The following SCHIP1 variants were observed in gnomAD, a reference collection of about 807,000 sequenced individuals.
SCHIP1 encodes the protein schwannomin-interacting protein 1.
SCHIP1 carries 8 observed loss-of-function variants against 29.7 expected under a neutral mutation model. The ratio of observed to expected loss-of-function variants is 0.27; its 90% confidence interval spans 0.16 to 0.49. The LOEUF is 0.49. Among genes scored for constraint, SCHIP1 ranks in the 20% least tolerant of loss-of-function variants. SCHIP1 has a pLI of 0.99. For synonymous variants in SCHIP1, 76 were observed against 94.9 expected (o/e 0.80, Z 1.16); for missense variants, 193 against 294.6 (o/e 0.66, Z 2.52).
At chr3:159,501,618 T>G in the SCHIP1 span, among the ~76,000 whole-genome samples, 3 of 152,250 alleles carry the variant, frequency 2.0e-5, no homozygotes, top group Non-Finnish European at 4.4e-5. Context: ...AATATTCTGC[T>G]AGTAAACCAT....
At chr3:159,417,936 C>G in the SCHIP1 span, among the ~76,000 whole-genome samples, 1 of 152,056 alleles carries the variant, frequency 6.6e-6, no homozygotes, top group Admixed American at 6.6e-5. Flanking sequence ...ACACCAAAAG[C>G]CTGCCAACAG....
chr3:159,728,443 C>A, the SCHIP1 span, among the ~76,000 whole-genome samples: 4 of 152,194 alleles, frequency 2.6e-5, no homozygotes, highest in African/African-American at 7.2e-5. Context: ...ACTTCTCCCC[C>A]ACTCACTGCC....
At chr3:159,348,400 C>G in the SCHIP1 span, among the ~76,000 whole-genome samples, 3 of 152,040 alleles carry the variant, frequency 2.0e-5, no homozygotes, top group Non-Finnish European at 4.4e-5. Flanking sequence ...AATATTAAAC[C>G]ATATTTACAC....
intron 2 of SCHIP1, among the ~76,000 whole-genome samples, chr3:159,877,881 T>C (rs1005021978): frequency 2.6e-5 from 4 of 152,070 alleles, no homozygotes; most frequent in African/African-American, 9.7e-5. Flanking sequence ...TACGTTAGAG[T>C]CTGTAATTTA....
chr3:159,308,440 T>C, the SCHIP1 span, among the ~76,000 whole-genome samples: 1 of 152,192 alleles, frequency 6.6e-6, no homozygotes, highest in Non-Finnish European at 1.5e-5. Flanking sequence ...TCAGCATCAC[T>C]AATCATCAGA....
chr3:159,860,777 A>G (rs1207596017), intron 1 of SCHIP1, among the ~76,000 whole-genome samples: 4 of 152,162 alleles, frequency 2.6e-5, no homozygotes, highest in African/African-American at 9.7e-5. Context: ...CCCTGCTCCA[A>G]ATCTTACATC....
the SCHIP1 span, among the ~76,000 whole-genome samples, chr3:159,742,308 G>C: frequency 6.6e-6 from 1 of 152,164 alleles, no homozygotes; most frequent in African/African-American, 2.4e-5. Flanking sequence ...CGCAGGACCG[G>C]GACAAGAAGA....
At chr3:159,470,759 C>T in the SCHIP1 span, among the ~76,000 whole-genome samples, 1 of 152,002 alleles carries the variant, frequency 6.6e-6, no homozygotes, top group Non-Finnish European at 1.5e-5. Flanking sequence ...AAAACACAAA[C>T]ATTGGTACAT....
chr3:159,866,596 T>C (rs1406929496), intron 2 of SCHIP1, among the ~76,000 whole-genome samples: 2 of 152,140 alleles, frequency 1.3e-5, no homozygotes, highest in Non-Finnish European at 2.9e-5. Flanking sequence ...AGCTGACTTA[T>C]GATTAGAGAC....
the SCHIP1 span, among the ~76,000 whole-genome samples, chr3:159,685,180 T>C: frequency 1.3e-5 from 2 of 152,240 alleles, no homozygotes; most frequent in African/African-American, 2.4e-5. Context: ...AAGGAACTTA[T>C]ATCTTTGTGT....
chr3:159,822,658 C>T, the SCHIP1 span, among the ~76,000 whole-genome samples: 3 of 144,214 alleles, frequency 2.1e-5, no homozygotes, highest in Non-Finnish European at 4.6e-5. Flanking sequence ...GCCATTACTT[C>T]CAATGGCAAA....
At chr3:159,305,460 T>C in the SCHIP1 span, among the ~76,000 whole-genome samples, 1 of 152,248 alleles carries the variant, frequency 6.6e-6, no homozygotes, top group Non-Finnish European at 1.5e-5. Context: ...TTCTTTCTTC[T>C]TCTTTTTCTC....
the SCHIP1 span, among the ~76,000 whole-genome samples, chr3:159,385,635 G>GCCT: frequency 6.7e-6 from 1 of 149,976 alleles, no homozygotes; most frequent in African/African-American, 2.5e-5. Flanking sequence ...TCTAATCCAG[G>GCCT]CAACAAACAC....
chr3:159,505,430 A>T, the SCHIP1 span, among the ~76,000 whole-genome samples: 1 of 152,216 alleles, frequency 6.6e-6, no homozygotes, highest in South Asian at 2.1e-4. Flanking sequence ...GACATGTGAT[A>T]TCTGAAATCA....
At chr3:159,690,781 T>A in the SCHIP1 span, among the ~76,000 whole-genome samples, 5 of 152,222 alleles carry the variant, frequency 3.3e-5, no homozygotes, top group Admixed American at 3.3e-4. Flanking sequence ...CTCCCAGAGA[T>A]TCTGGTGTGT....
At chr3:159,611,173 A>G in the SCHIP1 span, among the ~76,000 whole-genome samples, 1 of 152,144 alleles carries the variant, frequency 6.6e-6, no homozygotes, top group African/African-American at 2.4e-5. Flanking sequence ...CTCTGTGTAG[A>G]TAATTTCATG....
At chr3:159,838,048 T>G (rs1743845284), upstream of SCHIP1, among the ~76,000 whole-genome samples, 1 of 152,124 alleles carries the variant, frequency 6.6e-6, no homozygotes, top group South Asian at 2.1e-4. Flanking sequence ...GTACTTTTCC[T>G]TTGAACCTGC....
In SCHIP1 at chr3:159,864,470, T is replaced by TACACACACACACACACACACAC. The variant is rs58371525; in HGVS notation, c.31-1669_31-1648dup. On this transcript the variant is annotated intron_variant, in intron 1 of 6. Coordinates refer to ENST00000445224, the Ensembl canonical transcript of SCHIP1. ...GTAGTCTTTCACCTTATGGCTGTAC[T>TACACACACACACACACACACAC]ACACACACACACACACACACACACA... 6.4e-5 allele frequency among the ~76,000 whole-genome samples: 9 copies of TACACACACACACACACACACAC among 139,932 alleles called. No homozygotes were observed. The East Asian group carries it at 1.3e-3, about 20-fold the overall frequency. 91.8% of individuals were successfully genotyped at this position (139,932 alleles called of 152,430 possible). A position where few individuals can be genotyped will look rare whatever the true frequency, so the allele number is the denominator to read the frequency against.
the SCHIP1 span, among the ~76,000 whole-genome samples, chr3:159,553,091 C>A: frequency 6.6e-6 from 1 of 151,862 alleles, no homozygotes; most frequent in African/African-American, 2.4e-5. Context: ...TTGGTATTGT[C>A]AAACCAAATA....
Sources: gnomAD v4.1 joint callset for allele counts (sites outside exome capture counted in the v4.1 genomes callset) on GRCh38, gnomAD v4.1.1 for gene constraint, MANE v1.5 for transcripts, NCBI Gene and HGNC (gene_info 2026-07-23, HGNC 2026-07-21) for gene names.